The following OSBPL10 variants were observed in gnomAD, a reference collection of about 807,000 sequenced individuals.
OSBPL10 encodes the protein oxysterol binding protein like 10.
A neutral mutation model predicts 81.7 loss-of-function variants in OSBPL10; 49 were observed. The observed-to-expected ratio is 0.60, with a 90% CI of 0.48 to 0.76. The LOEUF (loss-of-function observed/expected upper bound fraction) is 0.76, where lower values mean the gene tolerates loss of function less well. OSBPL10 is among the 30% of genes least tolerant of loss of function. The probability of loss-of-function intolerance (pLI) is 0.00; values close to 1 mark genes in which losing one functional copy is unlikely to be tolerated. For synonymous variants in OSBPL10, 419 were observed against 383.6 expected, an observed-to-expected ratio of 1.09 and a Z score of -1.08; for missense variants, 923 against 987.8, an observed-to-expected ratio of 0.93 and a Z score of 0.88.
chr3:32,056,395 T>C (rs1362969652), intron 1 of OSBPL10, among the ~76,000 whole-genome samples: 1 of 152,244 alleles, frequency 6.6e-6, no homozygotes, highest in Non-Finnish European at 1.5e-5. Context: ...GCCCAGTTCA[T>C]GGAAAGCCTT....
At chr3:32,023,431 A>C (rs1699375800) in intron 2 of OSBPL10, among the ~76,000 whole-genome samples, 1 of 152,136 alleles carries the variant, frequency 6.6e-6, no homozygotes, top group Non-Finnish European at 1.5e-5. Context: ...CTGTGAGTCC[A>C]TTAAACCTCT....
At chr3:31,663,404 C>T in intron 11 of OSBPL10, 1 of 986,786 alleles carries the variant, frequency 1.0e-6, no homozygotes, top group Non-Finnish European at 1.2e-6. Context: ...AGACGTGTGG[C>T]TCCTACATTT....
Position 31,694,319 on chromosome 3 carries a change from C to T in OSBPL10, c.1245+8040G>A, listed in dbSNP as rs548076595. Among the ~76,000 whole-genome samples the T allele has an allele frequency of 8.2e-5, 10 of 122,304 alleles. No individual in the cohort carries two copies. The East Asian group carries it at 1.3e-3, about 16-fold the overall frequency. 80.2% of individuals were successfully genotyped at this position (122,304 alleles called of 152,430 possible). A position where few individuals can be genotyped will look rare whatever the true frequency, so the allele number is the denominator to read the frequency against. On this transcript the variant is annotated intron_variant, in intron 7 of 11. Coordinates refer to ENST00000396556, the MANE Select transcript of OSBPL10 (RefSeq NM_017784.5). Reference sequence around the variant, plus strand: ...TCGGGAGGCAGAGGTTGAAGTTAGCCGAGATCATGCTACTGCACTCCAGCC... The same window carrying T: ...TCGGGAGGCAGAGGTTGAAGTTAGCTGAGATCATGCTACTGCACTCCAGCC...
intron 7 of OSBPL10, among the ~76,000 whole-genome samples, chr3:31,699,459 T>C (rs1296290863): frequency 6.6e-6 from 1 of 152,198 alleles, no homozygotes; most frequent in Non-Finnish European, 1.5e-5. Context: ...GTTATTCCAG[T>C]GGAGGTAGTC....
intron 1 of OSBPL10, among the ~76,000 whole-genome samples, chr3:31,883,147 G>C (rs1695636293): frequency 1.3e-5 from 2 of 152,088 alleles, no homozygotes; most frequent in Non-Finnish European, 2.9e-5. Context: ...AAGGAGACTA[G>C]GTAGGCTCAC....
Position 32,036,246 on chromosome 3 carries a change from C to A in OSBPL10, n.298+10245G>T, listed in dbSNP as rs115414416. On this transcript the variant is annotated intron_variant and non_coding_transcript_variant, in intron 2 of 3. Transcript: ENST00000479173. ...TAATTTTTAGTAGAGATGGATCTCG[C>A]TATGTTGCCTGGGCTGGTCTCAAAC... 2.3e-3 allele frequency among the ~76,000 whole-genome samples: 353 copies of A among 152,138 alleles called. 5 individuals are homozygous for A. The highest frequency in any genetic ancestry group is 7.8e-3 in the African/African-American group (324 of 41,452).
At chr3:31,728,031 C>T (rs567727124) in intron 6 of OSBPL10, among the ~76,000 whole-genome samples, 48 of 152,222 alleles carry the variant, frequency 3.2e-4, no homozygotes, top group Non-Finnish European at 5.9e-4. Flanking sequence ...AGTCTCCTTC[C>T]CTTATTCTTA....
chr3:31,705,372 A>ACCCCCCCCCC (rs3840254), intron 6 of OSBPL10, among the ~76,000 whole-genome samples: 40 of 130,544 alleles, frequency 3.1e-4, no homozygotes, highest in Non-Finnish European at 3.6e-4. Context: ...CAAAGAGAAG[A>ACCCCCCCCCC]CCCCCCCCCC....
chr3:31,796,062 T>G (rs1699204220), intron 4 of OSBPL10: 2 of 177,094 alleles, frequency 1.1e-5, no homozygotes, highest in South Asian at 3.1e-4. Context: ...AAAGCTCCAG[T>G]CTCAAGAAAC....
intron 7 of OSBPL10, among the ~76,000 whole-genome samples, chr3:31,701,073 G>C (rs1251730484): frequency 6.6e-6 from 1 of 152,206 alleles, no homozygotes; most frequent in African/African-American, 2.4e-5. Flanking sequence ...GAAAAGATTT[G>C]TCTGTCATCT....
chr3:31,869,066 A>AG lies in OSBPL10; in HGVS notation c.537+7366dup, dbSNP rs530394960. ...TCAGGAGTCTGAACTTCCAAGCAGC[A>AG]GCCTTACTGAAAATCAGCACCTGCT... On this transcript the variant is annotated intron_variant, in intron 3 of 11. Coordinates refer to ENST00000396556, the MANE Select transcript of OSBPL10 (RefSeq NM_017784.5). Among the ~76,000 whole-genome samples the AG allele has an allele frequency of 3.1e-3, 468 of 152,358 alleles. 7 individuals are homozygous for AG. The highest frequency in any genetic ancestry group is 4.9e-4 in the Non-Finnish European group (33 of 68,028).
intron 3 of OSBPL10, among the ~76,000 whole-genome samples, chr3:31,855,534 G>T (rs1700887296): frequency 6.6e-6 from 1 of 152,070 alleles, no homozygotes; most frequent in South Asian, 2.1e-4. Flanking sequence ...TTTGTCTGTT[G>T]GATGTCTCCC....
At chr3:32,027,273 T>G (rs1361643722) in intron 2 of OSBPL10, among the ~76,000 whole-genome samples, 1 of 152,136 alleles carries the variant, frequency 6.6e-6, no homozygotes, top group Non-Finnish European at 1.5e-5. Flanking sequence ...AGTGAGAACA[T>G]GCGATGTTTG....
At chr3:31,951,271 A>G (rs1298362581) in intron 1 of OSBPL10, among the ~76,000 whole-genome samples, 7 of 149,854 alleles carry the variant, frequency 4.7e-5, no homozygotes, top group African/African-American at 1.2e-4. Flanking sequence ...ACAAAACGGG[A>G]AAAAAAAAAG....
At position 31,812,712 on chromosome 3, in the gene OSBPL10, CAAAAAAA is replaced by C. The variant is rs563030191; in HGVS notation, c.729+17321_729+17327del. On this transcript the variant is annotated intron_variant, in intron 4 of 11. Coordinates refer to ENST00000396556, the MANE Select transcript of OSBPL10 (RefSeq NM_017784.5). The stretch of plus-strand genomic sequence containing the variant: ...TATGCTGGAATCTCTACACAGTAGG[CAAAAAAA>C]AAGAAAGAAAGAAAGAAAGAAAGAA... 6.1e-4 allele frequency among the ~76,000 whole-genome samples: 21 copies of C among 34,216 alleles called. 1 individual carries two copies. The East Asian group carries it at 7.5e-3, about 12-fold the overall frequency. 22.4% of individuals were successfully genotyped at this position (34,216 alleles called of 152,430 possible). A position where few individuals can be genotyped will look rare whatever the true frequency, so the allele number is the denominator to read the frequency against.
intron 2 of OSBPL10, among the ~76,000 whole-genome samples, chr3:32,037,222 C>T (rs1413335740): frequency 3.3e-5 from 5 of 152,246 alleles, no homozygotes; most frequent in Admixed American, 6.5e-5. Context: ...GTTACACAAG[C>T]AGGAGGCAGT....
chr3:31,828,542 C>CT lies in OSBPL10; in HGVS notation c.729+1497dup, dbSNP rs532597269. ...AAGCTAATAGCTACTTTTTCTTTTTCTTTTTTCTGAGACACAGTCTCACTC... is the reference window on the plus strand; with the variant it reads ...AAGCTAATAGCTACTTTTTCTTTTTCTTTTTTTCTGAGACACAGTCTCACTC... On this transcript the variant is annotated intron_variant, in intron 4 of 11. Coordinates refer to ENST00000396556, the MANE Select transcript of OSBPL10 (RefSeq NM_017784.5). Among the ~76,000 whole-genome samples, 11 of 152,134 alleles carry CT rather than the reference C, an allele frequency of 7.2e-5. 1 individual carries two copies. In the South Asian group the frequency reaches 1.9e-3, roughly 26 times the overall value.
chr3:31,763,408 C>G (rs1698112374), intron 4 of OSBPL10, among the ~76,000 whole-genome samples: 1 of 152,140 alleles, frequency 6.6e-6, no homozygotes, highest in Non-Finnish European at 1.5e-5. Context: ...CCATTTTCTT[C>G]AGACTGCTTC....
intron 5 of OSBPL10, among the ~76,000 whole-genome samples, chr3:31,744,786 G>GGAA (rs61086293): frequency 4.2e-4 from 61 of 146,978 alleles, no homozygotes; most frequent in Admixed American, 1.6e-3. Context: ...TGAAAATTAG[G>GGAA]AAAAAAAAAA....
Sources: allele counts gnomAD v4.1 joint callset (sites outside exome capture counted in the v4.1 genomes callset), GRCh38; gene constraint gnomAD v4.1.1; transcripts MANE v1.5; gene names NCBI Gene and HGNC (gene_info 2026-07-23, HGNC 2026-07-21).